SLC5A1: variants seen among roughly 807,000 people sequenced by gnomAD.
SLC5A1 encodes solute carrier family 5 member 1.
SLC5A1 carries 42 observed loss-of-function variants against 73.5 expected under a neutral mutation model. The ratio of observed to expected loss-of-function variants is 0.57; its 90% CI spans 0.45 to 0.74. The LOEUF (loss-of-function observed/expected upper bound fraction) is 0.74, where lower values mean the gene tolerates loss of function less well. Ranked by LOEUF, SLC5A1 falls within the 30% of genes least tolerant of loss-of-function variation. The pLI is 0.00. For synonymous variants in SLC5A1, 300 were observed against 317.4 expected (o/e 0.95, Z 0.58); for missense variants, 634 against 855.4 (o/e 0.74, Z 3.23).
chr22:32,092,490 G>A (rs2094019633), intron 11 of SLC5A1, among the ~76,000 whole-genome samples: 1 of 152,102 alleles, frequency 6.6e-6, no homozygotes, highest in African/African-American at 2.4e-5. Flanking sequence ...TGGATCAAAT[G>A]GTAGTTCTAC....
In SLC5A1 at chr22:32,104,819, A is replaced by C. The variant is rs1268498392; in HGVS notation, c.1699A>C (p.Lys567Gln). 1 of 1,613,990 alleles carries C rather than the reference A, an allele frequency of 6.2e-7. No individual in the cohort carries two copies. The highest frequency in any genetic ancestry group is 8.5e-7 in the Non-Finnish European group (1 of 1,180,016). ...YRLCWSLRNS[K>Q]EERIDLDAEE... ...TCTGTGTTGGAGCCTGCGCAACAGCAAAGAGGAGCGTATTGACCTGGATGC... is the reference window on the plus strand; with the variant it reads ...TCTGTGTTGGAGCCTGCGCAACAGCCAAGAGGAGCGTATTGACCTGGATGC... Residue 567 changes from lysine (K) to glutamine (Q), a missense_variant, in exon 14 of 15, where the codon AAA (lysine) becomes CAA (glutamine). Transcript: ENST00000266088.
intron 2 of SLC5A1, among the ~76,000 whole-genome samples, chr22:32,050,953 C>T (rs1027036525): frequency 1.3e-5 from 2 of 152,180 alleles, no homozygotes; most frequent in African/African-American, 4.8e-5. Flanking sequence ...GGGTTTGCCA[C>T]GTTTCACTCA....
intron 2 of SLC5A1, among the ~76,000 whole-genome samples, chr22:32,060,112 CAT>C (rs1395802557): frequency 1.5e-3 from 226 of 145,922 alleles, no homozygotes; most frequent in Non-Finnish European, 2.4e-3. Context: ...TATACACACA[CAT>C]ATATATACAT....
intron 1 of SLC5A1, among the ~76,000 whole-genome samples, chr22:32,048,914 A>T (rs1325620802): frequency 6.6e-6 from 1 of 151,884 alleles, no homozygotes; most frequent in Non-Finnish European, 1.5e-5. Context: ...TACTAAAAAT[A>T]CAAAAATTAG....
chr22:32,052,007 C>T (rs1160953483), intron 2 of SLC5A1, among the ~76,000 whole-genome samples: 4 of 152,310 alleles, frequency 2.6e-5, no homozygotes, highest in African/African-American at 9.6e-5. Flanking sequence ...TTCTTCTTTG[C>T]AACTGAAACC....
chr22:32,064,245 C>T (rs1204797461), intron 2 of SLC5A1, among the ~76,000 whole-genome samples: 6 of 152,064 alleles, frequency 3.9e-5, no homozygotes, highest in South Asian at 2.1e-4. Context: ...TCTGTAATCC[C>T]AGCATTTTGG....
At position 32,109,999 on chromosome 22, in the gene SLC5A1, T is replaced by C. The variant is rs200275789; in HGVS notation, c.1781T>C (p.Val594Ala). Residue 594 changes from valine to alanine, a missense_variant, in exon 15 of 15, where the codon GTT becomes GCT. Val to Ala is a moderately conservative substitution (Grantham distance 64). Around this residue, in one of 3 missense-constraint regions of SLC5A1, gnomAD observed 161 missense variants for 178.7 expected, o/e 0.90. Coordinates refer to ENST00000266088, the MANE Select transcript of SLC5A1 (RefSeq NM_000343.4). ...PKETIEIETQ[V>A]PEKKKGIFRR... ...CTATGCCTTTGCCCAGAAACACAAG[T>C]TCCTGAGAAGAAAAAAGGAATCTTC... is the stretch of plus-strand genomic sequence containing the variant. The C allele has an allele frequency of 9.3e-6, 15 of 1,613,874 alleles. No homozygotes were observed. Among genetic ancestry groups the C allele is most frequent in the Non-Finnish European group, 8.5e-7 (1 of 1,179,886 alleles).
chr22:32,047,855 G>A (rs1183015506), intron 1 of SLC5A1, among the ~76,000 whole-genome samples: 1 of 152,108 alleles, frequency 6.6e-6, no homozygotes, highest in Non-Finnish European at 1.5e-5. Context: ...AGCCTCAGTG[G>A]TCACCTATGA....
At chr22:32,097,580 T>C (rs1264369589) in intron 11 of SLC5A1, among the ~76,000 whole-genome samples, 1 of 152,224 alleles carries the variant, frequency 6.6e-6, no homozygotes, top group Non-Finnish European at 1.5e-5. Flanking sequence ...TCTTCCTATC[T>C]AGACCATTCC....
intron 14 of SLC5A1, 112 bp downstream of exon 14, chr22:32,105,003 C>A (rs2094042963): frequency 3.7e-6 from 3 of 804,250 alleles, no homozygotes; most frequent in African/African-American, 3.4e-5. Context: ...TGTCTCCCCT[C>A]CAGGGCAGTG....
At chr22:32,108,277 A>AT (rs2094049967) in intron 14 of SLC5A1, among the ~76,000 whole-genome samples, 2 of 151,706 alleles carry the variant, frequency 1.3e-5, no homozygotes, top group Admixed American at 1.3e-4. Context: ...ATTTTTTTGT[A>AT]TTTTTAGTAG....
chr22:32,073,751 G>A (rs2093986446), intron 5 of SLC5A1, among the ~76,000 whole-genome samples: 2 of 152,070 alleles, frequency 1.3e-5, no homozygotes, highest in South Asian at 4.1e-4. Context: ...TAGAGACGGG[G>A]TTTTACCATG....
chr22:32,063,591 G>A (rs894323450), intron 2 of SLC5A1, among the ~76,000 whole-genome samples: 1 of 152,108 alleles, frequency 6.6e-6, no homozygotes, highest in Non-Finnish European at 1.5e-5. Context: ...GCCCTTTTGG[G>A]TGTCCAGGAA....
chr22:32,083,386 G>A (rs1385163888), intron 7 of SLC5A1, among the ~76,000 whole-genome samples: 1 of 152,178 alleles, frequency 6.6e-6, no homozygotes, highest in Non-Finnish European at 1.5e-5. Flanking sequence ...ATTTTCTGCT[G>A]CCCTCTCTCA....
At position 32,084,592 on chromosome 22, in the gene SLC5A1, A is replaced by G; in HGVS notation, c.818A>G (p.Asp273Gly). 2 of 1,613,492 alleles carry G rather than the reference A, an allele frequency of 1.2e-6. No individual in the cohort carries two copies. Among genetic ancestry groups the G allele is most frequent in the Non-Finnish European group, 1.7e-6 (2 of 1,179,912 alleles). ...ATCTTCCGAGATCCCCTCACGGGAG[A>G]CCTCCCATGGCCTGGGTTCATCTTT... The part of the protein sequence containing the change: ...FHIFRDPLTG[D>G]LPWPGFIFGM... Residue 273 changes from aspartate to glycine, a missense_variant, in exon 8 of 15, where the codon GAC (aspartate) becomes GGC (glycine). Asp to Gly is a moderately conservative substitution (Grantham distance 94, BLOSUM62 -1). Transcript: ENST00000266088.
chr22:32,044,873 T>C (rs1193836633), intron 1 of SLC5A1, among the ~76,000 whole-genome samples: 1 of 152,118 alleles, frequency 6.6e-6, no homozygotes, highest in Non-Finnish European at 1.5e-5. Context: ...TTACCTTCCA[T>C]GGTATGATCT....
At chr22:32,084,373 T>A in intron 7 of SLC5A1, 66 bp from the exon 8 acceptor site, 6 of 1,428,886 alleles carry the variant, frequency 4.2e-6, no homozygotes, top group Non-Finnish European at 5.9e-6. Context: ...CAGGCATCTA[T>A]GGAAAGAAGC....
chr22:32,079,366 G>C (rs550551014), intron 5 of SLC5A1, among the ~76,000 whole-genome samples: 2 of 152,136 alleles, frequency 1.3e-5, no homozygotes, highest in African/African-American at 4.8e-5. Flanking sequence ...AATTCACCAG[G>C]GAGGTTTCCT....
chr22:32,091,298 A>AAC (rs67059150), intron 10 of SLC5A1, among the ~76,000 whole-genome samples: 11,105 of 138,862 alleles, frequency 0.08, 406 homozygotes, highest in Middle Eastern at 0.12. Flanking sequence ...CACATACACA[A>AAC]ACACACACAC....
Sources: gnomAD v4.1 joint callset for allele counts (sites outside exome capture counted in the v4.1 genomes callset) on GRCh38, gnomAD v4.1.1 for gene constraint, gnomAD v4.1.1 regional missense constraint, MANE v1.5 for transcripts, NCBI Gene and HGNC (gene_info 2026-07-23, HGNC 2026-07-21) for gene names.